The following PALD1 variants were observed in gnomAD, a reference collection of about 807,000 sequenced individuals.
PALD1 encodes the protein paladin.
PALD1 carries 57 observed loss-of-function variants against 96.0 expected under a neutral mutation model. The ratio of observed to expected loss-of-function variants is 0.59; its 90% confidence interval spans 0.48 to 0.74. The LOEUF is 0.74. Among genes scored for constraint, PALD1 ranks in the 30% least tolerant of loss-of-function variants. The probability of loss-of-function intolerance (pLI) is 0.00; values close to 1 mark genes in which losing one functional copy is unlikely to be tolerated. For missense variants in PALD1, 1,063 were observed against 1,143.7 expected, an observed-to-expected ratio of 0.93 and a Z score of 1.02; for synonymous variants, 464 against 473.6, an observed-to-expected ratio of 0.98 and a Z score of 0.26.
rs368238690 is a variant in PALD1 at position 70,525,307 on chromosome 10, C to T, written c.-29-616C>T. ...GATTATAGGCATGAGCCACTGCACC[C>T]GGCCACCAATTCAGATATTGATGTT... is the stretch of plus-strand genomic sequence containing the variant. On this transcript the variant is annotated intron_variant, in intron 1 of 19. Transcript: ENST00000263563. 4.7e-4 allele frequency among the ~76,000 whole-genome samples: 72 copies of T among 152,248 alleles called. No homozygotes were observed. In the East Asian group the frequency reaches 9.5e-3, roughly 20 times the overall value.
intron 1 of PALD1, among the ~76,000 whole-genome samples, chr10:70,496,150 C>T (rs2132281260): frequency 6.6e-6 from 1 of 152,246 alleles, no homozygotes; most frequent in East Asian, 1.9e-4. Flanking sequence ...GGACTCCCAG[C>T]CCATGTTCTT....
In PALD1 at chr10:70,538,354, G is replaced by A. The variant is rs781126276; in HGVS notation, c.1398G>A (p.Thr466=). 3.3e-5 allele frequency: 53 copies of A among 1,610,172 alleles called. No individual in the cohort carries two copies. In the Admixed American group the frequency reaches 7.5e-4, roughly 23 times the overall value. ...AHPELYRLPV[T]LSSAGPVAPR... ...CTGAGCTGTACCGCCTGCCCGTGAC[G>A]CTGAGCTCAGCAGGCCCTGTGGCTC... Residue 466 remains threonine (T), a synonymous_variant, in exon 12 of 20, where the codon ACG becomes ACA. Coordinates refer to ENST00000263563, the MANE Select transcript of PALD1 (RefSeq NM_014431.3).
Position 70,478,980 on chromosome 10 carries a change from G to T in PALD1, c.-109G>T, listed in dbSNP as rs553447717. On this transcript the variant is annotated 5_prime_UTR_variant, in exon 1 of 20. Coordinates refer to ENST00000263563, the MANE Select transcript of PALD1 (RefSeq NM_014431.3). ...CGCGCGCCGGGCGCGCCCCGTCGCTGCCTGACTCGGCGCCCGCAGTTCGGG... is the reference window on the plus strand; with the variant it reads ...CGCGCGCCGGGCGCGCCCCGTCGCTTCCTGACTCGGCGCCCGCAGTTCGGG... 2.0e-5 allele frequency: 3 copies of T among 152,294 alleles called. No homozygotes were observed. Among genetic ancestry groups the T allele is most frequent in the Non-Finnish European group, 4.4e-5 (3 of 68,048 alleles). The allele number at this position is 152,294 out of a possible 1,614,324, so 9.4% of individuals were successfully genotyped here.
chr10:70,543,501 A>G (rs1847296505), intron 17 of PALD1, among the ~76,000 whole-genome samples: 1 of 152,056 alleles, frequency 6.6e-6, no homozygotes, highest in Non-Finnish European at 1.5e-5. Context: ...TAAGACTTTT[A>G]TAGTTTTTAA....
intron 7 of PALD1, 135 bp from the exon 8 acceptor site, chr10:70,533,787 C>G: frequency 2.6e-6 from 2 of 755,568 alleles, no homozygotes; most frequent in South Asian, 4.6e-5. Flanking sequence ...CAGAAGAGGC[C>G]AAGACACCTA....
At chr10:70,458,958 A>G in the PALD1 span, among the ~76,000 whole-genome samples, 1 of 152,350 alleles carries the variant, frequency 6.6e-6, no homozygotes, top group East Asian at 1.9e-4. Flanking sequence ...CCCGCACACC[A>G]TCACCGCCTT....
chr10:70,493,391 C>G (rs1846131185), intron 1 of PALD1, among the ~76,000 whole-genome samples: 1 of 152,254 alleles, frequency 6.6e-6, no homozygotes, highest in Non-Finnish European at 1.5e-5. Flanking sequence ...AGCCTGGGCT[C>G]TGCGGACAGT....
chr10:70,539,481 G>T lies in PALD1; in HGVS notation c.1726-99G>T. The T allele has an allele frequency of 8.3e-7, 1 of 1,208,850 alleles. No individual in the cohort carries two copies. The highest frequency in any genetic ancestry group is 1.5e-5 in the South Asian group (1 of 64,534). 74.9% of individuals were successfully genotyped at this position (1,208,850 alleles called of 1,614,324 possible). ...CTTGGGGGGGTCAGGGATGGGACTG[G>T]AAGCCAGGGCCAGGCCTGGCCATGG... On this transcript the variant is annotated intron_variant, in intron 14 of 19. Transcript: ENST00000263563. The surrounding 1 kb of genome is among the most constrained non-coding windows in gnomAD (Gnocchi z 4.5).
Position 70,539,654 on chromosome 10 carries a change from C to T in PALD1, c.1800C>T (p.Phe600=), listed in dbSNP as rs534730700. The stretch of plus-strand genomic sequence containing the variant: ...AGGAGGGCCCCCTGACCTACAGGTT[C>T]CAGACCTGCCTTACCATGCAGGAGG... The part of the protein sequence containing the change: ...PGKEGPLTYR[F]QTCLTMQEVF... The change falls in exon 15 of 20, where the codon TTC becomes TTT. Residue 600 remains phenylalanine (F), a synonymous_variant. Coordinates refer to ENST00000263563, the MANE Select transcript of PALD1 (RefSeq NM_014431.3). The surrounding 1 kb of genome is among the most constrained non-coding windows in gnomAD (Gnocchi z 4.5). The T allele has an allele frequency of 2.5e-6, 4 of 1,613,704 alleles. No individual in the cohort carries two copies. In the South Asian group the frequency reaches 3.3e-5, roughly 13 times the overall value.
chr10:70,527,896 C>T lies in PALD1; in HGVS notation c.186-1333C>T, dbSNP rs970826326. 4.6e-5 allele frequency among the ~76,000 whole-genome samples: 7 copies of T among 152,298 alleles called. No individual in the cohort carries two copies. In the East Asian group the frequency reaches 1.2e-3, roughly 25 times the overall value. On this transcript the variant is annotated intron_variant, in intron 2 of 19. Coordinates refer to ENST00000263563, the MANE Select transcript of PALD1 (RefSeq NM_014431.3). Reference sequence around the variant, plus strand: ...GCCGCACCCACCAACCCACCATCCACGTCAGGCATATCTCCCAATGCCATC... The same window carrying T: ...GCCGCACCCACCAACCCACCATCCATGTCAGGCATATCTCCCAATGCCATC...
rs201059316 is a variant in PALD1 at position 70,530,036 on chromosome 10, G to A, written c.436G>A (p.Val146Ile). 22 of 1,549,076 alleles carry A rather than the reference G, an allele frequency of 1.4e-5. No individual in the cohort carries two copies. In the Admixed American group the frequency reaches 3.8e-4, roughly 27 times the overall value. Residue 146 changes from valine (V) to isoleucine (I), a missense_variant, in exon 4 of 20, where the codon GTC (valine) becomes ATC (isoleucine). Coordinates refer to ENST00000263563, the MANE Select transcript of PALD1 (RefSeq NM_014431.3). ...GCCCAGCCTCTCAGGGTTCAGGCGGGTCCTCCAGAAACTCCAGAAGGACGG... is the reference window on the plus strand; with the variant it reads ...GCCCAGCCTCTCAGGGTTCAGGCGGATCCTCCAGAAACTCCAGAAGGACGG... Reference protein sequence around the residue: ...GQPSLSGFRRVLQKLQKDGHR... With the variant: ...GQPSLSGFRRILQKLQKDGHR...
chr10:70,557,930 CTTTTTTT>C (rs781513750), intron 18 of PALD1, among the ~76,000 whole-genome samples: 2 of 92,882 alleles, frequency 2.2e-5, no homozygotes, highest in African/African-American at 4.0e-5. Context: ...TTGGCTCTTC[CTTTTTTT>C]TTTTTTTTTT....
chr10:70,566,405 TAG>T (rs1199791735), intron 19 of PALD1, among the ~76,000 whole-genome samples, 174 bp from the exon 20 acceptor site: 2 of 152,102 alleles, frequency 1.3e-5, no homozygotes, highest in Non-Finnish European at 2.9e-5. Flanking sequence ...TCCTGTGAGG[TAG>T]AGTCTTTTCC....
At chr10:70,477,038 CATGCACATGT>C (rs1270571307), upstream of PALD1, among the ~76,000 whole-genome samples, 1 of 9,096 alleles carries the variant, frequency 1.1e-4, no homozygotes, top group Non-Finnish European at 1.0e-3. Context: ...TGTGCATACA[CATGCACATGT>C]ATGTAAATGT....
At chr10:70,537,233 G>A (rs900549027) in intron 10 of PALD1, among the ~76,000 whole-genome samples, 1 of 152,014 alleles carries the variant, frequency 6.6e-6, no homozygotes, top group Non-Finnish European at 1.5e-5. Flanking sequence ...TCAGCCTCAC[G>A]AGTGGCTGGG....
chr10:70,521,184 C>T (rs1302015188), intron 1 of PALD1, among the ~76,000 whole-genome samples: 2 of 152,068 alleles, frequency 1.3e-5, no homozygotes, highest in Non-Finnish European at 1.5e-5. Context: ...TAGGAGGCCT[C>T]GTCAGGCAGA....
chr10:70,529,221 C>CCG lies in PALD1; in HGVS notation c.186-7_186-6insGC. On this transcript the variant is annotated splice_region_variant and splice_polypyrimidine_tract_variant and intron_variant, in intron 2 of 19. Transcript: ENST00000263563. The stretch of plus-strand genomic sequence containing the variant: ...AGTTTCCATTCTGCCCCCCCCCCCC[C>CCG]CCCCCAGGTACAACTGCAAGGAGGA... 2.3e-6 allele frequency: 1 copy of CCG among 434,200 alleles called. No homozygotes were observed. The highest frequency in any genetic ancestry group is 2.2e-5 in the South Asian group (1 of 45,508). 26.9% of individuals were successfully genotyped at this position (434,200 alleles called of 1,614,324 possible). A position where few individuals can be genotyped will look rare whatever the true frequency, so the allele number is the denominator to read the frequency against.
chr10:70,537,549 G>C (rs145863758), intron 10 of PALD1, among the ~76,000 whole-genome samples: 27 of 152,370 alleles, frequency 1.8e-4, no homozygotes, highest in African/African-American at 6.0e-4. Context: ...CTGGGAGCCT[G>C]CTTGGGGAGA....
intron 17 of PALD1, among the ~76,000 whole-genome samples, chr10:70,545,590 T>C (rs970617011): frequency 6.6e-6 from 1 of 151,788 alleles, no homozygotes; most frequent in African/African-American, 2.4e-5. Context: ...GATTATATCA[T>C]TTTTTTTCTT....
Sources: allele counts gnomAD v4.1 joint callset (sites outside exome capture counted in the v4.1 genomes callset), GRCh38; gene constraint gnomAD v4.1.1; non-coding constraint Gnocchi (gnomAD v3.1); transcripts MANE v1.5; gene names NCBI Gene and HGNC (gene_info 2026-07-23, HGNC 2026-07-21).